ERC2: variants seen among roughly 807,000 people sequenced by gnomAD.
ERC2 encodes ELKS/RAB6-interacting/CAST family member 2.
A neutral mutation model predicts 114.8 loss-of-function variants in ERC2; 42 were observed. The observed-to-expected ratio is 0.37, with a 90% CI of 0.29 to 0.47. ERC2 has a LOEUF of 0.47. Ranked by LOEUF, ERC2 falls within the 20% of genes least tolerant of loss-of-function variation. The pLI, the probability that ERC2 is intolerant of heterozygous loss-of-function variation, is 0.99. For missense variants in ERC2, 939 were observed against 1,150.7 expected (o/e 0.82, Z 2.66); for synonymous variants, 454 against 425.5 (o/e 1.07, Z -0.82).
chr3:56,279,832 G>C (rs2054232394), intron 3 of ERC2, among the ~76,000 whole-genome samples: 1 of 152,198 alleles, frequency 6.6e-6, no homozygotes, highest in South Asian at 2.1e-4. Flanking sequence ...AGACTCAAAA[G>C]TGTGTAGAGA....
chr3:55,891,040 A>G (rs2063573129), intron 13 of ERC2, among the ~76,000 whole-genome samples: 1 of 152,200 alleles, frequency 6.6e-6, no homozygotes, highest in African/African-American at 2.4e-5. Flanking sequence ...AGGGCCTTAG[A>G]AAGCAAAAAA....
At chr3:55,774,224 C>T (rs2068434605) in intron 14 of ERC2, among the ~76,000 whole-genome samples, 1 of 151,914 alleles carries the variant, frequency 6.6e-6, no homozygotes, top group Non-Finnish European at 1.5e-5. Context: ...CTTAGTGGTC[C>T]AAGGACCACC....
At chr3:56,018,077 G>A (rs986638161) in intron 8 of ERC2, among the ~76,000 whole-genome samples, 3 of 152,118 alleles carry the variant, frequency 2.0e-5, no homozygotes, top group Admixed American at 1.3e-4. Context: ...GAGACATAAC[G>A]GGGATACCTA....
At chr3:56,425,559 T>C (rs1167597403) in intron 2 of ERC2, among the ~76,000 whole-genome samples, 1 of 82,468 alleles carries the variant, frequency 1.2e-5, no homozygotes, top group Non-Finnish European at 2.3e-5. Flanking sequence ...CGACCCTTTT[T>C]CTTTTTTTTT....
intron 15 of ERC2, among the ~76,000 whole-genome samples, chr3:55,701,855 A>C (rs1028522167): frequency 1.3e-5 from 2 of 152,232 alleles, no homozygotes; most frequent in African/African-American, 2.4e-5. Context: ...TGAACTCATG[A>C]ACTAATAAAT....
intron 4 of ERC2, among the ~76,000 whole-genome samples, chr3:56,160,002 T>C (rs1490130903): frequency 6.6e-6 from 1 of 152,176 alleles, no homozygotes; most frequent in Non-Finnish European, 1.5e-5. Flanking sequence ...TAAAACAATT[T>C]ACATTCCTTT....
chr3:55,659,505 C>T (rs2148704523), intron 17 of ERC2: 1 of 152,224 alleles, frequency 6.6e-6, no homozygotes, highest in African/African-American at 2.4e-5. Context: ...TACCCCCTAC[C>T]ACCTCTCTCA....
chr3:56,350,397 C>A (rs2058506128), intron 2 of ERC2, among the ~76,000 whole-genome samples: 1 of 152,180 alleles, frequency 6.6e-6, no homozygotes, highest in African/African-American at 2.4e-5. Context: ...TATAGTAGGC[C>A]ATGCCTAAAG....
chr3:56,456,945 G>T (rs1230470463), intron 1 of ERC2, among the ~76,000 whole-genome samples: 1 of 135,246 alleles, frequency 7.4e-6, no homozygotes, highest in African/African-American at 2.6e-5. Flanking sequence ...GTACAAAAGT[G>T]TAAATCATAT....
chr3:56,386,990 G>A (rs17235564), intron 2 of ERC2, among the ~76,000 whole-genome samples: 34,914 of 152,078 alleles, frequency 0.23, 4,597 homozygotes, highest in Non-Finnish European at 0.29. Flanking sequence ...AGGGACCTGC[G>A]TGGTTTTCAC....
At chr3:55,725,002 G>T (rs1469945457) in intron 15 of ERC2, among the ~76,000 whole-genome samples, 2 of 152,214 alleles carry the variant, frequency 1.3e-5, no homozygotes, top group African/African-American at 2.4e-5. Context: ...TTTAAAAATA[G>T]AGCACAGATG....
At chr3:56,367,124 T>A (rs931434858) in intron 2 of ERC2, among the ~76,000 whole-genome samples, 10 of 152,198 alleles carry the variant, frequency 6.6e-5, no homozygotes, top group Non-Finnish European at 8.8e-5. Flanking sequence ...ACAATCCTAA[T>A]TATTGTGCCT....
intron 6 of ERC2, among the ~76,000 whole-genome samples, chr3:56,085,678 T>C (rs6780046): frequency 0.019 from 2,933 of 152,276 alleles, 78 homozygotes; most frequent in African/African-American, 0.067. Flanking sequence ...TTTCATTATA[T>C]CTGGTGAAAA....
rs184685593 is a variant in ERC2 at position 56,421,007 on chromosome 3, T to C, written c.657+13344A>G. Among the ~76,000 whole-genome samples, 657 of 152,298 alleles carry C rather than the reference T, an allele frequency of 4.3e-3. 3 individuals are homozygous for C. Among genetic ancestry groups the C allele is most frequent in the Non-Finnish European group, 3.6e-3 (248 of 68,016 alleles). The stretch of plus-strand genomic sequence containing the variant: ...TCTGATAGTATATAAAAGCGCCATG[T>C]GGGTCCACTATGGTAAAATAACATG... On this transcript the variant is annotated intron_variant, in intron 2 of 17. Coordinates refer to ENST00000288221, the MANE Select transcript of ERC2 (RefSeq NM_015576.3).
At chr3:55,543,340 G>A (rs1319973363) in intron 17 of ERC2, among the ~76,000 whole-genome samples, 1 of 152,178 alleles carries the variant, frequency 6.6e-6, no homozygotes, top group African/African-American at 2.4e-5. Context: ...CTAATAGGAA[G>A]AAATAAAGAA....
At chr3:56,088,642 C>T (rs1005812129) in intron 6 of ERC2, among the ~76,000 whole-genome samples, 3 of 152,046 alleles carry the variant, frequency 2.0e-5, no homozygotes, top group Non-Finnish European at 4.4e-5. Flanking sequence ...GATAGACAAG[C>T]GGCTCAGGTG....
chr3:56,277,266 G>A (rs1282918779), intron 3 of ERC2, among the ~76,000 whole-genome samples: 1 of 152,012 alleles, frequency 6.6e-6, no homozygotes, highest in Non-Finnish European at 1.5e-5. Context: ...CTTAAACAGA[G>A]ATATGCCCTA....
intron 3 of ERC2, among the ~76,000 whole-genome samples, chr3:56,199,300 A>G (rs755823799): frequency 6.6e-6 from 1 of 152,100 alleles, no homozygotes; most frequent in Non-Finnish European, 1.5e-5. Flanking sequence ...GTGAAAAAGA[A>G]CCCAGTGGGG....
intron 16 of ERC2, among the ~76,000 whole-genome samples, chr3:55,694,147 G>T (rs937289842): frequency 2.0e-5 from 3 of 152,178 alleles, no homozygotes; most frequent in African/African-American, 7.2e-5. Flanking sequence ...AATACACGTG[G>T]TTGCATAGAT....
Sources: allele counts gnomAD v4.1 joint callset (sites outside exome capture counted in the v4.1 genomes callset), GRCh38; gene constraint gnomAD v4.1.1; transcripts MANE v1.5; gene names NCBI Gene and HGNC (gene_info 2026-07-23, HGNC 2026-07-21).